Variants in FOCAD observed in about 807,000 individuals in gnomAD.
FOCAD encodes the protein KIAA1797.
FOCAD carries 198 observed loss-of-function variants against 225.6 expected under a neutral mutation model. The observed-to-expected ratio is 0.88, with a 90% CI of 0.78 to 0.99. The LOEUF (loss-of-function observed/expected upper bound fraction) is 0.99. FOCAD is among the 50% of genes least tolerant of loss of function. The pLI is 0.00. For missense variants in FOCAD, 2,713 were observed against 2,123.6 expected, an observed-to-expected ratio of 1.28 and a Z score of -5.46; for synonymous variants, 897 against 755.0, an observed-to-expected ratio of 1.19 and a Z score of -3.08.
At chr9:20,847,783 T>A (rs1827264297) in intron 15 of FOCAD, among the ~76,000 whole-genome samples, 1 of 152,086 alleles carries the variant, frequency 6.6e-6, no homozygotes, top group Non-Finnish European at 1.5e-5. Flanking sequence ...AACATAAATG[T>A]CAGTTCTTAT....
intron 4 of FOCAD, 50 bp from the exon 5 acceptor site, chr9:20,740,186 G>C (rs746826054): frequency 8.4e-7 from 1 of 1,185,588 alleles, no homozygotes; most frequent in Non-Finnish European, 1.2e-6. Context: ...CACCTGATTA[G>C]AATATTCACT....
intron 19 of FOCAD, among the ~76,000 whole-genome samples, 168 bp from the exon 20 acceptor site, chr9:20,881,703 A>G (rs1322218772): frequency 6.6e-6 from 1 of 152,062 alleles, no homozygotes; most frequent in Non-Finnish European, 1.5e-5. Context: ...GCCATGTTCT[A>G]ATTTGGAGGA....
intron 11 of FOCAD, among the ~76,000 whole-genome samples, chr9:20,817,199 C>T (rs186817987): frequency 7.2e-5 from 11 of 152,188 alleles, no homozygotes; most frequent in Admixed American, 5.2e-4. Context: ...TTTAAAAAAC[C>T]ATTAAAATAT....
intron 35 of FOCAD, among the ~76,000 whole-genome samples, chr9:20,962,409 T>TACAC (rs993569522): frequency 1.2e-4 from 15 of 129,882 alleles, no homozygotes; most frequent in South Asian, 2.7e-4. Context: ...AATATATATA[T>TACAC]ACACACACAC....
Position 20,948,940 on chromosome 9 carries a change from A to G in FOCAD, c.3876+12A>G. 6.2e-7 allele frequency: 1 copy of G among 1,612,134 alleles called. No individual in the cohort carries two copies. The highest frequency in any genetic ancestry group is 8.5e-7 in the Non-Finnish European group (1 of 1,178,376). The stretch of plus-strand genomic sequence containing the variant: ...GGGATGTAATGCAGGTAAAGAAAGG[A>G]ACCATGGAGGGGAAGACATCTAAAT... On this transcript the variant is annotated intron_variant, in intron 32 of 43. Transcript: ENST00000338382.
intron 19 of FOCAD, among the ~76,000 whole-genome samples, chr9:20,879,326 A>G (rs80089248): frequency 1.3e-5 from 2 of 152,036 alleles, no homozygotes; most frequent in African/African-American, 4.8e-5. Flanking sequence ...AACATTTGGG[A>G]TTTTAACCTT....
intron 35 of FOCAD, among the ~76,000 whole-genome samples, chr9:20,967,833 C>T (rs1373265737): frequency 6.6e-6 from 1 of 151,918 alleles, no homozygotes; most frequent in South Asian, 2.1e-4. Context: ...CGTGTTTGAT[C>T]ACAGTATATA....
chr9:20,919,487 A>G (rs138686839), intron 24 of FOCAD, among the ~76,000 whole-genome samples: 56 of 152,306 alleles, frequency 3.7e-4, no homozygotes, highest in African/African-American at 1.1e-3. Context: ...ATGGAACCAA[A>G]AAGCCCACAT....
chr9:20,759,665 G>A (rs1351257095), intron 6 of FOCAD, among the ~76,000 whole-genome samples: 2 of 152,134 alleles, frequency 1.3e-5, no homozygotes, highest in Non-Finnish European at 2.9e-5. Context: ...AGGACTTCAT[G>A]TCAGGTTGTA....
intron 35 of FOCAD, among the ~76,000 whole-genome samples, chr9:20,955,923 T>C (rs887845553): frequency 7.3e-6 from 1 of 137,460 alleles, no homozygotes; most frequent in Non-Finnish European, 1.6e-5. Context: ...TTCTATGTAA[T>C]AGCATTATTT....
At chr9:20,787,201 G>C (rs768462755) in intron 10 of FOCAD, 30 of 165,800 alleles carry the variant, frequency 1.8e-4, no homozygotes, top group Non-Finnish European at 1.2e-4. Flanking sequence ...CTGTTATGTT[G>C]TTGCTTTTAC....
At chr9:20,794,132 A>G (rs928785696) in intron 11 of FOCAD, among the ~76,000 whole-genome samples, 2 of 152,242 alleles carry the variant, frequency 1.3e-5, no homozygotes, top group Non-Finnish European at 2.9e-5. Flanking sequence ...ATAAATGAAC[A>G]GTTAAGGCTC....
chr9:20,820,235 T>C lies in FOCAD; in HGVS notation c.1561-89T>C, dbSNP rs190466385. ...CAAGCTTTCTTCTCAGTCTTCATTT[T>C]ATAACAAGGGGTTTAAAAATGCTTT... is the stretch of plus-strand genomic sequence containing the variant. On this transcript the variant is annotated intron_variant, in intron 12 of 43. Transcript: ENST00000338382. The C allele has an allele frequency of 4.6e-5, 41 of 891,580 alleles. 1 individual carries two copies. The highest frequency in any genetic ancestry group is 2.3e-4 in the Admixed American group (9 of 38,856). 55.2% of individuals were successfully genotyped at this position (891,580 alleles called of 1,614,324 possible).
intron 5 of FOCAD, among the ~76,000 whole-genome samples, chr9:20,744,246 T>C (rs1359051363): frequency 2.6e-5 from 4 of 152,188 alleles, no homozygotes; most frequent in Admixed American, 2.6e-4. Context: ...AGCTCATCTT[T>C]GGAGTTTTTA....
At chr9:20,762,053 T>C (rs908910225) in intron 6 of FOCAD, among the ~76,000 whole-genome samples, 5 of 152,224 alleles carry the variant, frequency 3.3e-5, no homozygotes, top group Admixed American at 3.3e-4. Context: ...CAAATCATAA[T>C]GGCATCTTGG....
At chr9:20,703,930 T>C (rs945322062) in intron 1 of FOCAD, among the ~76,000 whole-genome samples, 3 of 152,250 alleles carry the variant, frequency 2.0e-5, no homozygotes, top group African/African-American at 7.2e-5. Flanking sequence ...TCCAGGTCTA[T>C]GGTTCCCTCC....
intron 41 of FOCAD, 61 bp downstream of exon 41, chr9:20,988,490 G>C: frequency 1.4e-6 from 1 of 691,522 alleles, no homozygotes; most frequent in East Asian, 5.7e-5. Flanking sequence ...TTAGGTTGGT[G>C]CAAAAGTAAT....
intron 16 of FOCAD, among the ~76,000 whole-genome samples, chr9:20,864,913 A>G (rs1829094083): frequency 6.6e-6 from 1 of 152,136 alleles, no homozygotes; most frequent in Admixed American, 6.6e-5. Context: ...ATTGTTACAG[A>G]AACTAAACCT....
In FOCAD at chr9:20,720,360, A is replaced by C; in HGVS notation, c.133-20A>C. On this transcript the variant is annotated intron_variant, in intron 3 of 43. Transcript: ENST00000338382. The stretch of plus-strand genomic sequence containing the variant: ...TTGCTGCTCATCAGAATTGTCTTCT[A>C]ATCACTGGTTTGGTTTCAGACTCCT... 6.2e-7 allele frequency: 1 copy of C among 1,612,692 alleles called. No homozygotes were observed. Among genetic ancestry groups the C allele is most frequent in the African/African-American group, 1.3e-5 (1 of 75,028 alleles).
Sources: gnomAD v4.1 joint callset for allele counts (sites outside exome capture counted in the v4.1 genomes callset) on GRCh38, gnomAD v4.1.1 for gene constraint, MANE v1.5 for transcripts, NCBI Gene and HGNC (gene_info 2026-07-23, HGNC 2026-07-21) for gene names.